DRC1: variants seen among roughly 807,000 people sequenced by gnomAD.
The protein encoded by DRC1 is dynein regulatory complex protein 1.
DRC1 carries 74 observed loss-of-function variants against 98.7 expected under a neutral mutation model. The observed-to-expected ratio is 0.75, with a 90% CI of 0.62 to 0.91. DRC1 has a LOEUF of 0.91. Ranked by LOEUF, DRC1 falls within the 40% of genes least tolerant of loss-of-function variation. The pLI, the probability that DRC1 is intolerant of heterozygous loss-of-function variation, is 0.00. For synonymous variants in DRC1, 336 were observed against 334.1 expected, an observed-to-expected ratio of 1.01 and a Z score of -0.06; for missense variants, 875 against 886.0, an observed-to-expected ratio of 0.99 and a Z score of 0.16.
rs147573624 is a variant in DRC1, at chr2:26,429,648, C to T, written c.561C>T (p.Asp187=). 4 of 1,613,786 alleles carry T rather than the reference C, an allele frequency of 2.5e-6. No homozygotes were observed. The African/African-American group carries it at 4.0e-5, about 16-fold the overall frequency. ...ELQQELKTKD[D]QYVKDLKKQS... is the part of the protein sequence containing the mutation. Reference sequence around the variant, plus strand: ...TCTAGGAGTTAAAAACAAAGGATGACCAGTATGTGAAGGATTTGAAGAAAC... The same window carrying T: ...TCTAGGAGTTAAAAACAAAGGATGATCAGTATGTGAAGGATTTGAAGAAAC... Residue 187 remains aspartate (D), a synonymous_variant, in exon 5 of 17, where the codon GAC becomes GAT. Coordinates refer to ENST00000288710, the MANE Select transcript of DRC1 (RefSeq NM_145038.5).
chr2:26,417,219 C>T (rs556556634), intron 2 of DRC1, among the ~76,000 whole-genome samples: 2 of 152,312 alleles, frequency 1.3e-5, no homozygotes, highest in Non-Finnish European at 1.5e-5. Context: ...CAGCTCTGTG[C>T]CAATTCCACT....
chr2:26,429,531 C>A, intron 4 of DRC1, 97 bp from the exon 5 acceptor site: 1 of 1,483,740 alleles, frequency 6.7e-7, no homozygotes, highest in Non-Finnish European at 9.1e-7. Flanking sequence ...CATGTCCTAA[C>A]ATTGACAGAT....
rs1037456299 is a variant in DRC1, at chr2:26,453,554, G to A, written c.1919+5G>A. The A allele has an allele frequency of 2.4e-5, 38 of 1,611,806 alleles. No homozygotes were observed. Among genetic ancestry groups the A allele is most frequent in the Non-Finnish European group, 3.2e-5 (38 of 1,178,694 alleles). ...CATGGGTCTGAAGAAGCCTAGGTGG[G>A]CTGCGGGGCTGGAAGGCTTGCCTGA... On this transcript the variant is annotated splice_donor_5th_base_variant and intron_variant, in intron 14 of 16. Coordinates refer to ENST00000288710, the MANE Select transcript of DRC1 (RefSeq NM_145038.5).
intron 7 of DRC1, among the ~76,000 whole-genome samples, chr2:26,434,918 C>T (rs964008681): frequency 1.3e-5 from 2 of 151,014 alleles, no homozygotes; most frequent in African/African-American, 4.9e-5. Flanking sequence ...AAGAAAGCTA[C>T]ACAAATAGTG....
chr2:26,454,844 T>C lies in DRC1; in HGVS notation c.2063+54T>C. Reference sequence around the variant, plus strand: ...GTGCTGGCGGGCAGGTGAGGAACGGTTGTTGGGAGCAGCCGCGTTTGCTGC... The same window carrying C: ...GTGCTGGCGGGCAGGTGAGGAACGGCTGTTGGGAGCAGCCGCGTTTGCTGC... On this transcript the variant is annotated intron_variant, in intron 15 of 16. Transcript: ENST00000288710. This position sits in a 1 kb window ranked among gnomAD's most constrained non-coding sequence, Gnocchi z 5.2. 1 of 1,608,808 alleles carries C rather than the reference T, an allele frequency of 6.2e-7. No individual in the cohort carries two copies. The highest frequency in any genetic ancestry group is 2.2e-5 in the East Asian group (1 of 44,742).
intron 10 of DRC1, among the ~76,000 whole-genome samples, chr2:26,447,657 C>T (rs1663892205): frequency 6.6e-6 from 1 of 151,534 alleles, no homozygotes. Context: ...ACCTCCACCT[C>T]CTGGGTTCAA....
Position 26,454,230 on chromosome 2 carries a change from G to A in DRC1, c.1920-417G>A, listed in dbSNP as rs536255467. Among the ~76,000 whole-genome samples the A allele has an allele frequency of 2.6e-5, 4 of 152,294 alleles. No individual in the cohort carries two copies. The highest frequency in any genetic ancestry group is 2.1e-4 in the South Asian group (1 of 4,822). The stretch of plus-strand genomic sequence containing the variant: ...ATCATTGTGGCGTCAGGGAAGGGGC[G>A]AAGCTGGATACAGGGAAAGCATCAG... On this transcript the variant is annotated intron_variant, in intron 14 of 16. Transcript: ENST00000288710. This position sits in a 1 kb window ranked among gnomAD's most constrained non-coding sequence, Gnocchi z 5.2.
chr2:26,411,810 T>A (rs990861186), intron 1 of DRC1, among the ~76,000 whole-genome samples: 2 of 150,776 alleles, frequency 1.3e-5, no homozygotes, highest in African/African-American at 4.9e-5. Flanking sequence ...AAAAAAAAAA[T>A]TATAGCATAT....
chr2:26,416,217 C>A (rs959536276), intron 2 of DRC1, among the ~76,000 whole-genome samples: 2 of 152,144 alleles, frequency 1.3e-5, no homozygotes, highest in African/African-American at 4.8e-5. Context: ...AAGATCTGGG[C>A]AGGCTGGTCC....
At chr2:26,418,575 T>A (rs1419426029) in intron 2 of DRC1, among the ~76,000 whole-genome samples, 10 of 95,898 alleles carry the variant, frequency 1.0e-4, no homozygotes, top group South Asian at 5.3e-4. Context: ...TAATATATAT[T>A]ATATATAAAT....
chr2:26,446,408 C>A (rs79143713), intron 10 of DRC1, among the ~76,000 whole-genome samples: 1 of 152,080 alleles, frequency 6.6e-6, no homozygotes, highest in Non-Finnish European at 1.5e-5. Context: ...TTAGAAACCA[C>A]GCTGTGGGCG....
intron 16 of DRC1, among the ~76,000 whole-genome samples, chr2:26,455,655 T>C (rs1240391341): frequency 6.6e-6 from 1 of 152,230 alleles, no homozygotes; most frequent in East Asian, 1.9e-4. Context: ...TTGCAGAGTT[T>C]GCAACTCGTC....
chr2:26,456,319 G>C, intron 16 of DRC1, 142 bp from the exon 17 acceptor site: 4 of 983,798 alleles, frequency 4.1e-6, no homozygotes, highest in Non-Finnish European at 6.2e-6. Flanking sequence ...GGCAGTCTGT[G>C]GGTGTTCAGC....
chr2:26,440,170 A>T (rs1040043752), intron 7 of DRC1, among the ~76,000 whole-genome samples: 4 of 151,484 alleles, frequency 2.6e-5, no homozygotes, highest in African/African-American at 7.3e-5. Flanking sequence ...GAATATGGCT[A>T]TGCATAGCTA....
At chr2:26,414,481 G>C (rs752233659) in intron 2 of DRC1, 50 bp downstream of exon 2, 7 of 1,549,062 alleles carry the variant, frequency 4.5e-6, no homozygotes, top group Non-Finnish European at 6.2e-6. Flanking sequence ...AGCTGGGTGT[G>C]ACATCATGGT....
intron 13 of DRC1, 133 bp downstream of exon 13, chr2:26,450,814 T>C: frequency 3.1e-6 from 2 of 643,508 alleles, no homozygotes; most frequent in Non-Finnish European, 4.5e-6. Flanking sequence ...TGTGCTCTGG[T>C]GGTTTGCTGC....
intron 10 of DRC1, among the ~76,000 whole-genome samples, chr2:26,445,261 T>C (rs1422328432): frequency 6.6e-6 from 1 of 152,236 alleles, no homozygotes; most frequent in Non-Finnish European, 1.5e-5. Context: ...TGCTAATCAT[T>C]GTCTAAGATC....
intron 8 of DRC1, 37 bp from the exon 9 acceptor site, chr2:26,444,185 A>G (rs375562110): frequency 1.9e-5 from 30 of 1,613,274 alleles, no homozygotes; most frequent in Non-Finnish European, 2.5e-5. Flanking sequence ...AATACCTTCT[A>G]TTCAGCTGCA....
At chr2:26,442,765 A>C (rs934023715) in intron 8 of DRC1, among the ~76,000 whole-genome samples, 34 of 152,100 alleles carry the variant, frequency 2.2e-4, no homozygotes, top group African/African-American at 7.7e-4. Flanking sequence ...CCCTGTTTCC[A>C]GTTCTCCAGC....
Sources: allele counts gnomAD v4.1 joint callset (sites outside exome capture counted in the v4.1 genomes callset), GRCh38; gene constraint gnomAD v4.1.1; non-coding constraint Gnocchi (gnomAD v3.1); transcripts MANE v1.5; gene names NCBI Gene and HGNC (gene_info 2026-07-23, HGNC 2026-07-21).